Variants in DIAPH1 observed in about 807,000 individuals in gnomAD.
DIAPH1 encodes the protein protein diaphanous homolog 1.
Under a neutral mutation model 140.7 loss-of-function variants are expected in DIAPH1, and 46 were observed. The observed-to-expected ratio is 0.33, with a 90% CI of 0.26 to 0.42. The LOEUF is 0.42. Ranked by LOEUF, DIAPH1 falls within the 10% of genes least tolerant of loss-of-function variation. DIAPH1 has a pLI of 1.00. For synonymous variants in DIAPH1, 565 were observed against 551.6 expected (o/e 1.02, Z -0.34); for missense variants, 1,310 against 1,558.7 (o/e 0.84, Z 2.69).
At chr5:141,555,715 A>G (rs1296444283) in intron 18 of DIAPH1, among the ~76,000 whole-genome samples, 1 of 152,166 alleles carries the variant, frequency 6.6e-6, no homozygotes, top group Non-Finnish European at 1.5e-5. Flanking sequence ...GGAAAAGAGG[A>G]AAATTTTTTC....
At chr5:141,595,405 C>T (rs939116630) in intron 1 of DIAPH1, among the ~76,000 whole-genome samples, 1 of 152,118 alleles carries the variant, frequency 6.6e-6, no homozygotes, top group Non-Finnish European at 1.5e-5. Flanking sequence ...GGAGGCCATG[C>T]GATATGGTTT....
intron 18 of DIAPH1, among the ~76,000 whole-genome samples, chr5:141,569,778 T>TA (rs993577799): frequency 6.6e-6 from 1 of 151,354 alleles, no homozygotes; most frequent in Non-Finnish European, 1.5e-5. Context: ...AAAATAAAAA[T>TA]AAAAAAAATA....
At chr5:141,529,795 T>C in intron 19 of DIAPH1, 98 bp from the exon 20 acceptor site, 1 of 1,083,772 alleles carries the variant, frequency 9.2e-7, no homozygotes, top group South Asian at 1.3e-5. Flanking sequence ...CTAACAGGGC[T>C]CTTTTAGGCC....
chr5:141,530,510 C>T (rs1483806387), intron 19 of DIAPH1, among the ~76,000 whole-genome samples: 1 of 152,172 alleles, frequency 6.6e-6, no homozygotes, highest in African/African-American at 2.4e-5. Flanking sequence ...TATGAATTTG[C>T]AGTAGCACCA....
intron 13 of DIAPH1, 101 bp downstream of exon 13, chr5:141,576,655 G>A (rs1392195028): frequency 1.2e-6 from 1 of 846,106 alleles, no homozygotes; most frequent in African/African-American, 1.7e-5. Context: ...GAACTATCTG[G>A]GGACTGGAAA....
At chr5:141,546,698 G>A (rs1350167330) in intron 18 of DIAPH1, among the ~76,000 whole-genome samples, 8 of 151,786 alleles carry the variant, frequency 5.3e-5, no homozygotes, top group African/African-American at 1.5e-4. Flanking sequence ...CTTAAGCTGG[G>A]AGCACAAAAG....
Position 141,579,057 on chromosome 5 carries a change from T to C in DIAPH1, c.933+31A>G, listed in dbSNP as rs780435627. On this transcript the variant is annotated intron_variant, in intron 9 of 27. Transcript: ENST00000389054. ...TAAGTCTGTCCATCTTGAATTCTAT[T>C]CTTGGGCCCAGTTTCAGGGGATATA... 2.0e-6 allele frequency: 3 copies of C among 1,517,912 alleles called. No individual in the cohort carries two copies. The South Asian group carries it at 3.4e-5, about 17-fold the overall frequency. The allele number at this position is 1,517,912 out of a possible 1,614,324, so 94.0% of individuals were successfully genotyped here.
At chr5:141,548,200 A>C (rs2099891111) in intron 18 of DIAPH1, among the ~76,000 whole-genome samples, 1 of 150,512 alleles carries the variant, frequency 6.6e-6, no homozygotes, top group African/African-American at 2.4e-5. Flanking sequence ...TCTTGTTTCA[A>C]AAAAAAAAAC....
At chr5:141,586,174 A>G (rs2099897515) in intron 3 of DIAPH1, among the ~76,000 whole-genome samples, 1 of 152,182 alleles carries the variant, frequency 6.6e-6, no homozygotes. Context: ...GGCCCAAGAG[A>G]CATTTAAACT....
At chr5:141,576,367 A>G in intron 13 of DIAPH1, 73 bp from the exon 14 acceptor site, 1 of 1,133,584 alleles carries the variant, frequency 8.8e-7, no homozygotes, top group Non-Finnish European at 1.3e-6. Flanking sequence ...ACACCCTTCC[A>G]AAGAACAGTC....
At chr5:141,532,826 A>G (rs2099888438) in intron 19 of DIAPH1, among the ~76,000 whole-genome samples, 1 of 152,236 alleles carries the variant, frequency 6.6e-6, no homozygotes. Context: ...ATATCATAAC[A>G]CTAGAAATCA....
At chr5:141,532,670 T>C (rs1445726332) in intron 19 of DIAPH1, among the ~76,000 whole-genome samples, 1 of 152,220 alleles carries the variant, frequency 6.6e-6, no homozygotes, top group Non-Finnish European at 1.5e-5. Flanking sequence ...ACCAAATACG[T>C]GGCTCATGCA....
intron 18 of DIAPH1, among the ~76,000 whole-genome samples, chr5:141,545,139 T>C (rs1010739834): frequency 6.6e-6 from 1 of 152,220 alleles, no homozygotes; most frequent in African/African-American, 2.4e-5. Flanking sequence ...ATCAGTGGTA[T>C]GCCAGGGTTT....
At chr5:141,522,542 A>C (rs2154594890) in intron 27 of DIAPH1, among the ~76,000 whole-genome samples, 1 of 148,344 alleles carries the variant, frequency 6.7e-6, no homozygotes, top group African/African-American at 2.5e-5. Context: ...GGAATTCCCC[A>C]CCAAAATTCT....
chr5:141,578,868 G>T (rs564790158), intron 9 of DIAPH1, among the ~76,000 whole-genome samples: 2 of 152,162 alleles, frequency 1.3e-5, no homozygotes, highest in Non-Finnish European at 2.9e-5. Context: ...TTCCTAGATT[G>T]TAAATAGATA....
In DIAPH1 at chr5:141,527,699, TAAAAA is replaced by T. The variant is rs79558427; in HGVS notation, c.3149-7_3149-3del. The T allele has an allele frequency of 2.6e-4, 289 of 1,128,852 alleles. No individual in the cohort carries two copies. The highest frequency in any genetic ancestry group is 3.4e-4 in the Admixed American group (8 of 23,788). 69.9% of individuals were successfully genotyped at this position (1,128,852 alleles called of 1,614,324 possible). Reference sequence around the variant, plus strand: ...TCTTTTGCAAGTTTTCAGCAGAAACTAAAAAAAAAAAAAAAAAAAAAAACCATAAA... The same window carrying T: ...TCTTTTGCAAGTTTTCAGCAGAAACTAAAAAAAAAAAAAAAAAACCATAAA... On this transcript the variant is annotated splice_polypyrimidine_tract_variant and splice_region_variant and intron_variant, in intron 23 of 27. Transcript: ENST00000389054.
intron 18 of DIAPH1, among the ~76,000 whole-genome samples, chr5:141,545,488 T>C (rs2099890658): frequency 6.6e-6 from 1 of 151,876 alleles, no homozygotes; most frequent in African/African-American, 2.4e-5. Flanking sequence ...CTACAAGAAA[T>C]AAAAAGTTAG....
intron 21 of DIAPH1, 40 bp downstream of exon 21, chr5:141,529,132 A>T (rs1454835479): frequency 1.3e-6 from 2 of 1,583,612 alleles, no homozygotes; most frequent in Non-Finnish European, 1.7e-6. Flanking sequence ...AGGGGAATAC[A>T]GGAGGTGGAA....
At chr5:141,526,841 C>T (rs1007487315) in intron 24 of DIAPH1, among the ~76,000 whole-genome samples, 1 of 145,168 alleles carries the variant, frequency 6.9e-6, no homozygotes, top group African/African-American at 2.7e-5. Flanking sequence ...GAACTACAGG[C>T]GCGCACCATC....
Sources: gnomAD v4.1 joint callset for allele counts (sites outside exome capture counted in the v4.1 genomes callset) on GRCh38, gnomAD v4.1.1 for gene constraint, MANE v1.5 for transcripts, NCBI Gene and HGNC (gene_info 2026-07-23, HGNC 2026-07-21) for gene names.